The following ADGRG4 variants were observed in gnomAD, a reference collection of about 807,000 sequenced individuals.
ADGRG4 encodes G protein-coupled receptor 112.
Under a neutral mutation model 126.2 loss-of-function variants are expected in ADGRG4, and 122 were observed. That is an observed-to-expected ratio of 0.97 (90% CI 0.83 to 1.12). The LOEUF (loss-of-function observed/expected upper bound fraction) is 1.12. Among genes scored for constraint, ADGRG4 ranks in the 50% most tolerant of loss-of-function variants. ADGRG4 has a pLI of 0.00. For missense variants in ADGRG4, 2,481 were observed against 2,251.8 expected, an observed-to-expected ratio of 1.10 and a Z score of -2.06; for synonymous variants, 943 against 838.7, an observed-to-expected ratio of 1.12 and a Z score of -2.15.
chrX:136,323,424 AG>A lies in ADGRG4; in HGVS notation c.685+35del, dbSNP rs747231512. On this transcript the variant is annotated intron_variant, in intron 5 of 25. Transcript: ENST00000394143. ...AACTTAACAACTTTTTTCCTTAGCA[AG>A]GGTAGTGTTGACACAGTACTTCTCT... The A allele has an allele frequency of 2.3e-4, 263 of 1,166,280 alleles. No individual in the cohort carries two copies. In the East Asian group the frequency reaches 2.8e-3, roughly 13 times the overall value.
In ADGRG4 at chrX:136,400,034, A is replaced by G. The variant is rs1453146900; in HGVS notation, c.8493A>G (p.Ala2831=). 8.3e-7 allele frequency: 1 copy of G among 1,204,074 alleles called. No homozygotes were observed. The highest frequency in any genetic ancestry group is 1.1e-6 in the Non-Finnish European group (1 of 889,691). ...LVSFTWMGLE[A]VHMYLALVKV... is the part of the protein sequence containing the mutation. ...CTTTTACTTGGATGGGCCTGGAGGCAGTCCACATGTATTTGGCTCTAGTCA... is the reference window on the plus strand; with the variant it reads ...CTTTTACTTGGATGGGCCTGGAGGCGGTCCACATGTATTTGGCTCTAGTCA... Residue 2831 remains alanine (A), a synonymous_variant, in exon 21 of 26, where the codon GCA becomes GCG. Transcript: ENST00000394143.
chrX:136,380,178 A>C (rs1236637749), intron 15 of ADGRG4, among the ~76,000 whole-genome samples: 6 of 96,045 alleles, frequency 6.2e-5, no homozygotes, highest in African/African-American at 2.2e-4. Context: ...AAAAAAAAAA[A>C]AAAGCCACGA....
At chrX:136,401,279 A>T (rs2075377804) in intron 21 of ADGRG4, among the ~76,000 whole-genome samples, 1 of 111,999 alleles carries the variant, frequency 8.9e-6, no homozygotes, top group Non-Finnish European at 1.9e-5. Flanking sequence ...GGATTGAAAA[A>T]TGTGGAAGAG....
chrX:136,344,391 GT>G lies in ADGRG4; in HGVS notation c.687del (p.Phe229LeufsTer6). ...TAACACATTCTTTCTGATTTTTTTA[GT>G]TGTTCCTGAAAATATGACAATTCAA... ...IPTVDRTLRCFVPENMTIQEK... is the reference protein window; with the variant it reads ...IPTVDRTLRCXVPENMTIQEK... On this transcript the variant is annotated frameshift_variant and splice_region_variant, in exon 6 of 26. Coordinates refer to ENST00000394143, the MANE Select transcript of ADGRG4 (RefSeq NM_153834.4). LOFTEE classifies it high-confidence loss of function. 1 of 1,128,337 alleles carries G rather than the reference GT, an allele frequency of 8.9e-7. No homozygotes were observed. Among genetic ancestry groups the G allele is most frequent in the Non-Finnish European group, 1.2e-6 (1 of 847,617 alleles). The allele number at this position is 1,128,337 out of a possible 1,213,427, so 93.0% of individuals were successfully genotyped here.
Position 136,347,512 on chromosome X carries a change from C to T in ADGRG4, c.3806C>T (p.Pro1269Leu). 8.3e-7 allele frequency: 1 copy of T among 1,210,006 alleles called. No homozygotes were observed. ...DQMTISLGKT[P>L]RTMEVTEMSP... The stretch of plus-strand genomic sequence containing the variant: ...ATGACCATATCCCTGGGAAAAACCC[C>T]TAGAACTATGGAGGTGACAGAAATG... The change falls in exon 6 of 26, where the codon CCT becomes CTT. Residue 1269 changes from proline to leucine, a missense_variant. Physicochemically the swap from Pro to Leu is moderately conservative, Grantham distance 98. Coordinates refer to ENST00000394143, the MANE Select transcript of ADGRG4 (RefSeq NM_153834.4).
Position 136,380,604 on chromosome X carries a change from CTCTTCTTCTTCT to C in ADGRG4, c.7777-7100_7777-7089del, listed in dbSNP as rs1219064272. 3.6e-3 allele frequency among the ~76,000 whole-genome samples: 197 copies of C among 55,340 alleles called. 3 individuals carry two copies. The highest frequency in any genetic ancestry group is 0.02 in the East Asian group (42 of 2,082). The allele number at this position is 55,340 out of a possible 115,157, so 48.1% of individuals were successfully genotyped here. ...CCTCCTCCTCCTCCTCCTCCTCCTCCTCTTCTTCTTCTTCTTCTTCTTCTTCTTCTTCTTCTT... is the reference window on the plus strand; with the variant it reads ...CCTCCTCCTCCTCCTCCTCCTCCTCCTCTTCTTCTTCTTCTTCTTCTTCTT... On this transcript the variant is annotated intron_variant, in intron 15 of 25. Coordinates refer to ENST00000394143, the MANE Select transcript of ADGRG4 (RefSeq NM_153834.4).
In ADGRG4 at chrX:136,383,858, CT is replaced by C. The variant is rs201717858; in HGVS notation, c.7777-3879del. 5.9e-4 allele frequency among the ~76,000 whole-genome samples: 36 copies of C among 60,670 alleles called. 1 individual carries two copies. The highest frequency in any genetic ancestry group is 7.2e-3 in the Middle Eastern group (1 of 138). 52.7% of individuals were successfully genotyped at this position (60,670 alleles called of 115,157 possible). On this transcript the variant is annotated intron_variant, in intron 15 of 25. Transcript: ENST00000394143. ...TCTTTCTTTCTTTCTTTCTTTCTTT[CT>C]TTCTTTCTTTCTTTCTTCTTTCTTC...
At chrX:136,311,838 T>G (rs554335711) in intron 4 of ADGRG4, among the ~76,000 whole-genome samples, 1 of 110,965 alleles carries the variant, frequency 9.0e-6, no homozygotes, top group South Asian at 3.9e-4. Flanking sequence ...AAAAGCCCTA[T>G]CTTTTCTTTT....
rs780859315 is a variant in ADGRG4, at chrX:136,393,585, G to A, written c.8080+5G>A. On this transcript the variant is annotated splice_donor_5th_base_variant and intron_variant, in intron 18 of 25. Coordinates refer to ENST00000394143, the MANE Select transcript of ADGRG4 (RefSeq NM_153834.4). ...TTTGGGATTTTGAGAATAATAGTAA[G>A]TATTTTTGTTAGCAACTTTGACTTT... 26 of 1,191,257 alleles carry A rather than the reference G, an allele frequency of 2.2e-5. No homozygotes were observed. In the South Asian group the frequency reaches 4.5e-4, roughly 21 times the overall value.
At chrX:136,301,974 A>G (rs781072494) in intron 1 of ADGRG4, among the ~76,000 whole-genome samples, 6 of 111,860 alleles carry the variant, frequency 5.4e-5, no homozygotes, top group African/African-American at 9.8e-5. Context: ...ATGCTGTTTT[A>G]GTTACTGTAT....
At position 136,380,796 on chromosome X, in the gene ADGRG4, C is replaced by T. The variant is rs146966420; in HGVS notation, c.7777-6944C>T. On this transcript the variant is annotated intron_variant, in intron 15 of 25. Transcript: ENST00000394143. ...GTGTGACCGTAGCTCACAGCAGCTT[C>T]GAACTCCTGGACTCAAGCAATCCTC... Among the ~76,000 whole-genome samples, 738 of 108,556 alleles carry T rather than the reference C, an allele frequency of 6.8e-3. 8 individuals carry two copies. The highest frequency in any genetic ancestry group is 0.024 in the African/African-American group (703 of 29,721). 94.3% of individuals were successfully genotyped at this position (108,556 alleles called of 115,157 possible).
intron 23 of ADGRG4, among the ~76,000 whole-genome samples, chrX:136,411,538 T>C (rs2075446458): frequency 8.9e-6 from 1 of 112,929 alleles, no homozygotes; most frequent in African/African-American, 3.2e-5. Context: ...CCAAAAAGCA[T>C]GTGTAATAGT....
At chrX:136,320,305 G>A (rs1263637267) in intron 4 of ADGRG4, among the ~76,000 whole-genome samples, 1 of 112,134 alleles carries the variant, frequency 8.9e-6, no homozygotes. Flanking sequence ...AAATGAAATT[G>A]CTGGGTCAAA....
intron 5 of ADGRG4, among the ~76,000 whole-genome samples, chrX:136,343,865 G>A (rs1210487190): frequency 2.7e-5 from 3 of 111,725 alleles, no homozygotes; most frequent in Non-Finnish European, 5.7e-5. Context: ...ACTGAAGCAC[G>A]GAGAGGTTAA....
chrX:136,409,382 C>A (rs73637925), intron 23 of ADGRG4, among the ~76,000 whole-genome samples: 2,841 of 111,594 alleles, frequency 0.025, 83 homozygotes, highest in African/African-American at 0.086. Context: ...AGTTGGCAGG[C>A]AGTTCATTGG....
intron 5 of ADGRG4, among the ~76,000 whole-genome samples, chrX:136,326,162 T>C (rs1026534620): frequency 8.0e-5 from 9 of 112,619 alleles, no homozygotes; most frequent in African/African-American, 1.3e-4. Flanking sequence ...TCAGATCTCT[T>C]CAAGTGTTCT....
intron 15 of ADGRG4, among the ~76,000 whole-genome samples, chrX:136,380,544 C>T (rs757595368): frequency 9.7e-6 from 1 of 103,450 alleles, no homozygotes; most frequent in South Asian, 4.3e-4. Flanking sequence ...CCTCCTCCTC[C>T]TCTTCTTCTT....
chrX:136,380,577 TTCCTCCTCC>T (rs1161020229), intron 15 of ADGRG4, among the ~76,000 whole-genome samples: 1 of 84,106 alleles, frequency 1.2e-5, no homozygotes, highest in Non-Finnish European at 2.4e-5. Flanking sequence ...CCTCTTCTTC[TTCCTCCTCC>T]TCCTCCTCCT....
chrX:136,396,366 C>CATATATATATATATATATAT (rs747291704), intron 19 of ADGRG4, among the ~76,000 whole-genome samples: 6 of 95,064 alleles, frequency 6.3e-5, no homozygotes, highest in African/African-American at 2.3e-4. Context: ...ATTTATTTTA[C>CATATATATATATATATATAT]ATATATATAT....
Sources: gnomAD v4.1 joint callset for allele counts (sites outside exome capture counted in the v4.1 genomes callset) on GRCh38, gnomAD v4.1.1 for gene constraint, MANE v1.5 for transcripts, NCBI Gene and HGNC (gene_info 2026-07-23, HGNC 2026-07-21) for gene names.